The following SENP6 variants were observed in gnomAD, a reference collection of about 807,000 sequenced individuals.
SENP6 encodes the protein SUMO specific peptidase 6, also known as sentrin-specific protease 6.
Under a neutral mutation model 134.5 loss-of-function variants are expected in SENP6, and 41 were observed. That is an observed-to-expected ratio of 0.30 (90% CI 0.24 to 0.40). The LOEUF (loss-of-function observed/expected upper bound fraction) is 0.40. Among genes scored for constraint, SENP6 ranks in the 10% least tolerant of loss-of-function variants. The probability of loss-of-function intolerance (pLI) is 1.00; values close to 1 mark genes in which losing one functional copy is unlikely to be tolerated. For missense variants in SENP6, 1,248 were observed against 1,312.5 expected, an observed-to-expected ratio of 0.95 and a Z score of 0.76; for synonymous variants, 395 against 429.8, an observed-to-expected ratio of 0.92 and a Z score of 1.00.
In SENP6 at chr6:75,690,218, A is replaced by G. The variant is rs72654739; in HGVS notation, c.2076-5586A>G. 0.011 allele frequency among the ~76,000 whole-genome samples: 1,609 copies of G among 152,322 alleles called. 59 individuals are homozygous for G. In the East Asian group the frequency reaches 0.14, roughly 13 times the overall value. ...AAGCCACTGCTCCCAACCAGAAAGC[A>G]GAGTCTTGAAGACATATTTGCACAC... On this transcript the variant is annotated intron_variant, in intron 16 of 23. Coordinates refer to ENST00000447266, the MANE Select transcript of SENP6 (RefSeq NM_015571.4).
chr6:75,663,843 A>T (rs376953659), intron 9 of SENP6, among the ~76,000 whole-genome samples: 96 of 151,072 alleles, frequency 6.4e-4, no homozygotes, highest in Non-Finnish European at 1.3e-3. Context: ...TGCCTAAAAT[A>T]ACATAAAGTA....
chr6:75,711,526 C>G (rs996513287), intron 21 of SENP6, 110 bp downstream of exon 21: 3 of 609,066 alleles, frequency 4.9e-6, no homozygotes, highest in Non-Finnish European at 8.2e-6. Context: ...CTCATAAATG[C>G]TGTCAGAGTC....
chr6:75,637,512 A>G (rs188446686), intron 5 of SENP6, among the ~76,000 whole-genome samples: 1 of 152,014 alleles, frequency 6.6e-6, no homozygotes, highest in African/African-American at 2.4e-5. Context: ...AGAAGTATGG[A>G]AAAAAATGCA....
At chr6:75,603,731 A>T in intron 1 of SENP6, among the ~76,000 whole-genome samples, 1 of 152,172 alleles carries the variant, frequency 6.6e-6, no homozygotes, top group East Asian at 1.9e-4. Context: ...GGAACACAGT[A>T]GGTACTCAGT....
chr6:75,674,915 A>G (rs1052622840), intron 11 of SENP6, among the ~76,000 whole-genome samples: 1 of 152,096 alleles, frequency 6.6e-6, no homozygotes, highest in Admixed American at 6.6e-5. Context: ...ATATTCATTT[A>G]TCTTGTTTTT....
At chr6:75,709,133 A>T (rs911997850) in intron 19 of SENP6, among the ~76,000 whole-genome samples, 3 of 152,102 alleles carry the variant, frequency 2.0e-5, no homozygotes, top group African/African-American at 7.2e-5. Flanking sequence ...GTTCTATGAC[A>T]TGCTGTTTCT....
In SENP6 at chr6:75,699,080, TGTAAA is replaced by T. The variant is rs571624655; in HGVS notation, c.2288+1568_2288+1572del. 9.9e-5 allele frequency among the ~76,000 whole-genome samples: 15 copies of T among 152,022 alleles called. No individual in the cohort carries two copies. The South Asian group carries it at 1.5e-3, about 15-fold the overall frequency. ...TTCTTGACTGGGTACTAATTTGTCT[TGTAAA>T]GTAACATGTGAACAGCTTACTAGGT... On this transcript the variant is annotated intron_variant, in intron 18 of 23. Transcript: ENST00000447266.
intron 1 of SENP6, 139 bp from the exon 2 acceptor site, chr6:75,621,393 A>C (rs1244329669): frequency 3.4e-6 from 2 of 581,274 alleles, no homozygotes; most frequent in African/African-American, 2.0e-5. Flanking sequence ...GAGGAAATCA[A>C]ATGTTTACAA....
chr6:75,616,420 T>C (rs1182549163), intron 1 of SENP6, among the ~76,000 whole-genome samples: 1 of 152,184 alleles, frequency 6.6e-6, no homozygotes, highest in Non-Finnish European at 1.5e-5. Context: ...GGTTCTAATC[T>C]AATATCAATT....
intron 6 of SENP6, among the ~76,000 whole-genome samples, chr6:75,642,009 C>G (rs1407642311): frequency 6.6e-6 from 1 of 152,154 alleles, no homozygotes; most frequent in Non-Finnish European, 1.5e-5. Flanking sequence ...TATGTGATGG[C>G]TCTGCATGGG....
chr6:75,689,543 A>G (rs894100523), intron 16 of SENP6, among the ~76,000 whole-genome samples: 2 of 152,236 alleles, frequency 1.3e-5, no homozygotes, highest in Non-Finnish European at 2.9e-5. Context: ...TAGAACTACA[A>G]TATGATCCAG....
At chr6:75,640,175 C>T (rs1287766707) in intron 5 of SENP6, among the ~76,000 whole-genome samples, 1 of 152,154 alleles carries the variant, frequency 6.6e-6, no homozygotes, top group African/African-American at 2.4e-5. Context: ...CACTCTCGGG[C>T]ATATAATAAA....
At chr6:75,611,011 T>C (rs1767409103) in intron 1 of SENP6, 1 of 125,048 alleles carries the variant, frequency 8.0e-6, no homozygotes, top group Admixed American at 7.9e-5. Context: ...AACTAGAAAT[T>C]CTCCTAGGCT....
intron 16 of SENP6, among the ~76,000 whole-genome samples, chr6:75,695,019 C>T (rs1774557874): frequency 6.6e-6 from 1 of 152,038 alleles, no homozygotes; most frequent in Non-Finnish European, 1.5e-5. Flanking sequence ...GGATTACAGG[C>T]ACTCGCCACC....
At position 75,607,312 on chromosome 6, in the gene SENP6, A is replaced by AG. The variant is rs397956526; in HGVS notation, c.52+4738dup. Among the ~76,000 whole-genome samples the AG allele has an allele frequency of 2.9e-4, 44 of 152,118 alleles. No homozygotes were observed. In the East Asian group the frequency reaches 5.8e-3, roughly 20 times the overall value. On this transcript the variant is annotated intron_variant, in intron 1 of 23. Coordinates refer to ENST00000447266, the MANE Select transcript of SENP6 (RefSeq NM_015571.4). ...GAGACCCTGCCACCCAAAAAAAAAA[A>AG]GGTCATCAGCTGCTACATGGAGAGA...
Position 75,717,937 on chromosome 6 carries a change from C to G in SENP6, c.*2343C>G, listed in dbSNP as rs921948087. The G allele has an allele frequency of 3.3e-5, 5 of 152,084 alleles. No homozygotes were observed. The highest frequency in any genetic ancestry group is 1.2e-4 in the African/African-American group (5 of 41,420). 9.4% of individuals were successfully genotyped at this position (152,084 alleles called of 1,614,324 possible). On this transcript the variant is annotated 3_prime_UTR_variant, in exon 24 of 24. Transcript: ENST00000447266. ...AGCAGAAGTGGTGTTTAGTCCCTTC[C>G]CGTTAATGTTGCTGTGCTACTTCAG... is the stretch of plus-strand genomic sequence containing the variant.
chr6:75,662,555 G>A (rs191184313), intron 8 of SENP6, among the ~76,000 whole-genome samples: 37 of 152,162 alleles, frequency 2.4e-4, no homozygotes, highest in Non-Finnish European at 4.6e-4. Context: ...AGAGAGTTAG[G>A]TTAATAAAAT....
At chr6:75,671,420 A>C (rs143633223) in intron 11 of SENP6, among the ~76,000 whole-genome samples, 1 of 152,286 alleles carries the variant, frequency 6.6e-6, no homozygotes, top group Non-Finnish European at 1.5e-5. Flanking sequence ...TACATAAAGC[A>C]CTTGTCTTTA....
intron 3 of SENP6, among the ~76,000 whole-genome samples, chr6:75,628,721 C>G (rs953521553): frequency 1.3e-5 from 2 of 151,974 alleles, no homozygotes; most frequent in African/African-American, 4.8e-5. Flanking sequence ...TATTATCATA[C>G]AATTCTTTTT....
Sources: gnomAD v4.1 joint callset for allele counts (sites outside exome capture counted in the v4.1 genomes callset) on GRCh38, gnomAD v4.1.1 for gene constraint, MANE v1.5 for transcripts, NCBI Gene and HGNC (gene_info 2026-07-23, HGNC 2026-07-21) for gene names.